The following OPN3 variants were observed in gnomAD, a reference collection of about 807,000 sequenced individuals.
OPN3 encodes the protein opsin-3.
Under a neutral mutation model 33.8 loss-of-function variants are expected in OPN3, and 29 were observed. The ratio of observed to expected loss-of-function variants is 0.86; its 90% CI spans 0.64 to 1.17. OPN3 has a LOEUF of 1.17. Among genes scored for constraint, OPN3 ranks in the 50% most tolerant of loss-of-function variants. The pLI, the probability that OPN3 is intolerant of heterozygous loss-of-function variation, is 0.00. For synonymous variants in OPN3, 216 were observed against 216.1 expected, an observed-to-expected ratio of 1.00 and a Z score of 0.00; for missense variants, 437 against 514.1, an observed-to-expected ratio of 0.85 and a Z score of 1.45.
intron 1 of OPN3, chr1:241,615,821 T>C (rs780139279): frequency 2.2e-5 from 10 of 456,234 alleles, no homozygotes; most frequent in South Asian, 1.5e-4. Flanking sequence ...TTACAAAGCT[T>C]CAGCTGCTGC....
chr1:241,625,453 T>C (rs566173633), intron 1 of OPN3, among the ~76,000 whole-genome samples: 3 of 152,308 alleles, frequency 2.0e-5, no homozygotes, highest in South Asian at 4.1e-4. Context: ...AAAGATTACC[T>C]CTCATTTCTA....
intron 1 of OPN3, among the ~76,000 whole-genome samples, chr1:241,606,407 C>T (rs1573954069): frequency 6.6e-6 from 1 of 151,638 alleles, no homozygotes; most frequent in African/African-American, 2.4e-5. Flanking sequence ...TAGCTGGGCG[C>T]GGTGGCAGAA....
intron 1 of OPN3, among the ~76,000 whole-genome samples, chr1:241,608,647 G>T (rs1663902398): frequency 6.6e-6 from 1 of 152,232 alleles, no homozygotes; most frequent in Non-Finnish European, 1.5e-5. Context: ...AAGTCAGGGT[G>T]CAAGAGGTTA....
rs12405623 is a variant in OPN3, at chr1:241,593,880, C to T, written c.*548G>A. On this transcript the variant is annotated 3_prime_UTR_variant, in exon 4 of 4. Coordinates refer to ENST00000366554, the MANE Select transcript of OPN3 (RefSeq NM_014322.3). Reference sequence around the variant, plus strand: ...CAGGCTGACAAGGATTCAAAGTTGTCTCTGAAACTCCTCTTTGTCATACTG... The same window carrying T: ...CAGGCTGACAAGGATTCAAAGTTGTTTCTGAAACTCCTCTTTGTCATACTG... 0.02 allele frequency: 3,026 copies of T among 153,882 alleles called. 32 individuals are homozygous for T. The highest frequency in any genetic ancestry group is 0.044 in the Admixed American group (689 of 15,586). The allele number at this position is 153,882 out of a possible 1,614,324, so 9.5% of individuals were successfully genotyped here.
At chr1:241,608,202 G>A (rs1663892558) in intron 1 of OPN3, among the ~76,000 whole-genome samples, 1 of 152,142 alleles carries the variant, frequency 6.6e-6, no homozygotes, top group Non-Finnish European at 1.5e-5. Context: ...AGAAAACTCA[G>A]TACAAATAAT....
chr1:241,631,558 T>C (rs1405052830), intron 1 of OPN3: 1 of 152,160 alleles, frequency 6.6e-6, no homozygotes, highest in Non-Finnish European at 1.5e-5. Context: ...AAGTAAGTTG[T>C]CAATTACTTA....
At chr1:241,632,231 C>T (rs114933305) in intron 1 of OPN3, 4,411 of 153,254 alleles carry the variant, frequency 0.029, 88 homozygotes, top group African/African-American at 0.05. Flanking sequence ...CCATGTAAGA[C>T]GTGCCTTTCA....
intron 1 of OPN3, chr1:241,634,920 C>T (rs573865519): frequency 6.2e-7 from 1 of 1,611,846 alleles, no homozygotes; most frequent in African/African-American, 1.3e-5. Flanking sequence ...CTATTAAAGA[C>T]ATCTGCTCTG....
intron 1 of OPN3, chr1:241,631,489 T>G (rs1483891028): frequency 6.6e-6 from 1 of 152,168 alleles, no homozygotes; most frequent in African/African-American, 2.4e-5. Context: ...AGGATAAAGT[T>G]TAAATATGAC....
At chr1:241,601,283 G>A (rs1324036776) in intron 2 of OPN3, 1 of 152,030 alleles carries the variant, frequency 6.6e-6, no homozygotes, top group African/African-American at 2.4e-5. Context: ...GGTAATACTT[G>A]AGAACAACTA....
At chr1:241,635,498 C>G in intron 1 of OPN3, 1 of 1,613,782 alleles carries the variant, frequency 6.2e-7, no homozygotes, top group Non-Finnish European at 8.5e-7. Context: ...ATCCTTCTTG[C>G]GAAGAGTGAT....
intron 1 of OPN3, chr1:241,629,018 T>C (rs937200005): frequency 6.6e-6 from 1 of 152,626 alleles, no homozygotes; most frequent in Non-Finnish European, 1.5e-5. Flanking sequence ...ACAATTTATG[T>C]TCTTATTAAC....
At chr1:241,603,663 G>A (rs1024732404) in intron 2 of OPN3, among the ~76,000 whole-genome samples, 3 of 152,242 alleles carry the variant, frequency 2.0e-5, no homozygotes, top group Admixed American at 1.3e-4. Flanking sequence ...GTTTGACGGA[G>A]TGAGCAAGAG....
At chr1:241,596,522 C>CA (rs1663516483) in intron 3 of OPN3, among the ~76,000 whole-genome samples, 2 of 152,022 alleles carry the variant, frequency 1.3e-5, no homozygotes, top group South Asian at 2.1e-4. Flanking sequence ...CAATAATACT[C>CA]AAAGAGAAGG....
chr1:241,636,662 G>A (rs1664909366), intron 1 of OPN3, among the ~76,000 whole-genome samples: 1 of 152,074 alleles, frequency 6.6e-6, no homozygotes, highest in Non-Finnish European at 1.5e-5. Context: ...AAATATTTAG[G>A]CTCATAATAG....
chr1:241,596,782 G>A (rs1241799133), intron 3 of OPN3, among the ~76,000 whole-genome samples: 2 of 152,118 alleles, frequency 1.3e-5, no homozygotes, highest in Non-Finnish European at 2.9e-5. Flanking sequence ...ATGACTCATA[G>A]CCATCAAGTC....
At chr1:241,632,599 T>G (rs962623907) in intron 1 of OPN3, 3 of 152,024 alleles carry the variant, frequency 2.0e-5, no homozygotes, top group Admixed American at 1.3e-4. Context: ...TGGGTGGCTC[T>G]GGGAGAAAAA....
chr1:241,598,082 C>A (rs1381609243), intron 2 of OPN3, 85 bp from the exon 3 acceptor site: 3 of 1,426,866 alleles, frequency 2.1e-6, no homozygotes, highest in Non-Finnish European at 2.8e-6. Flanking sequence ...ATTCAGACAC[C>A]ATTCTTGGCC....
At chr1:241,625,048 T>A (rs1664376591) in intron 1 of OPN3, among the ~76,000 whole-genome samples, 1 of 152,206 alleles carries the variant, frequency 6.6e-6, no homozygotes, top group Non-Finnish European at 1.5e-5. Context: ...TATCCCAGAG[T>A]CTAGCACAGA....
Sources: allele counts gnomAD v4.1 joint callset (sites outside exome capture counted in the v4.1 genomes callset), GRCh38; gene constraint gnomAD v4.1.1; transcripts MANE v1.5; gene names NCBI Gene and HGNC (gene_info 2026-07-23, HGNC 2026-07-21).